SEL1L2: variants seen among roughly 807,000 people sequenced by gnomAD.
SEL1L2 encodes protein sel-1 homolog 2.
SEL1L2 carries 89 observed loss-of-function variants against 98.8 expected under a neutral mutation model. That is an observed-to-expected ratio of 0.90 (90% CI 0.76 to 1.07). The LOEUF (loss-of-function observed/expected upper bound fraction) is 1.07. Among genes scored for constraint, SEL1L2 ranks in the 50% least tolerant of loss-of-function variants. The probability of loss-of-function intolerance (pLI) is 0.00; values close to 1 mark genes in which losing one functional copy is unlikely to be tolerated. For synonymous variants in SEL1L2, 262 were observed against 278.5 expected (o/e 0.94, Z 0.59); for missense variants, 788 against 812.0 (o/e 0.97, Z 0.36).
At chr20:13,953,301 C>T (rs2050360217) in intron 2 of SEL1L2, among the ~76,000 whole-genome samples, 1 of 152,096 alleles carries the variant, frequency 6.6e-6, no homozygotes, top group Non-Finnish European at 1.5e-5. Context: ...TCTCTTCTCA[C>T]CTTCAGGCTA....
At chr20:13,913,548 T>C (rs982462460) in intron 5 of SEL1L2, 2 of 358,952 alleles carry the variant, frequency 5.6e-6, no homozygotes, top group African/African-American at 4.2e-5. Flanking sequence ...TAATAGACAG[T>C]TTCATATTTC....
chr20:13,890,863 T>C (rs1407917510), intron 5 of SEL1L2, among the ~76,000 whole-genome samples: 2 of 152,132 alleles, frequency 1.3e-5, no homozygotes, highest in Non-Finnish European at 2.9e-5. Flanking sequence ...ATACTATATC[T>C]GAATTTTAGA....
At chr20:13,934,460 C>T (rs2049342738) in intron 2 of SEL1L2, among the ~76,000 whole-genome samples, 1 of 21,546 alleles carries the variant, frequency 4.6e-5, no homozygotes, top group African/African-American at 1.6e-4. Flanking sequence ...TATATATATT[C>T]CATATATATA....
chr20:13,904,632 G>T (rs1021977156), intron 5 of SEL1L2, among the ~76,000 whole-genome samples: 1 of 152,040 alleles, frequency 6.6e-6, no homozygotes, highest in Non-Finnish European at 1.5e-5. Context: ...GACCATAAAG[G>T]CTGTTACTGC....
intron 1 of SEL1L2, among the ~76,000 whole-genome samples, chr20:13,981,498 A>T (rs2051830333): frequency 6.6e-6 from 1 of 152,246 alleles, no homozygotes; most frequent in Admixed American, 6.5e-5. Flanking sequence ...GGATATGTTA[A>T]TTAGTCTGAC....
intron 5 of SEL1L2, among the ~76,000 whole-genome samples, chr20:13,900,972 C>A (rs948459902): frequency 3.3e-5 from 5 of 151,916 alleles, no homozygotes; most frequent in African/African-American, 1.2e-4. Context: ...TTCTCGAATT[C>A]ATTATATTGA....
intron 5 of SEL1L2, among the ~76,000 whole-genome samples, chr20:13,902,539 T>C (rs2047728134): frequency 6.6e-6 from 1 of 152,188 alleles, no homozygotes; most frequent in African/African-American, 2.4e-5. Flanking sequence ...ATTCCAGCTT[T>C]AGCCGGTGGG....
chr20:13,953,908 C>T (rs940862195), intron 2 of SEL1L2, among the ~76,000 whole-genome samples: 6 of 152,208 alleles, frequency 3.9e-5, no homozygotes, highest in African/African-American at 1.4e-4. Context: ...GCCTCAGTTA[C>T]TTCCCGATGG....
chr20:13,917,538 T>C (rs941842071), intron 4 of SEL1L2, among the ~76,000 whole-genome samples: 3 of 152,192 alleles, frequency 2.0e-5, no homozygotes, highest in African/African-American at 4.8e-5. Context: ...AAGCAGGTGC[T>C]TAATAAATGA....
chr20:13,879,903 A>G (rs2046616048), intron 10 of SEL1L2, among the ~76,000 whole-genome samples: 1 of 152,200 alleles, frequency 6.6e-6, no homozygotes, highest in Admixed American at 6.5e-5. Context: ...AATTACACAA[A>G]TCACATTATC....
At chr20:13,921,229 G>C (rs908430881) in intron 3 of SEL1L2, among the ~76,000 whole-genome samples, 7 of 152,210 alleles carry the variant, frequency 4.6e-5, no homozygotes, top group African/African-American at 1.7e-4. Context: ...TTGGAGTGCA[G>C]TGGTGCAATC....
At chr20:13,959,814 T>G (rs1173039659) in intron 1 of SEL1L2, among the ~76,000 whole-genome samples, 3 of 152,232 alleles carry the variant, frequency 2.0e-5, no homozygotes, top group African/African-American at 4.8e-5. Flanking sequence ...AACAAAGATG[T>G]GTTTGAGCCT....
intron 1 of SEL1L2, among the ~76,000 whole-genome samples, chr20:13,984,883 G>A (rs1342051373): frequency 6.6e-6 from 1 of 151,992 alleles, no homozygotes; most frequent in East Asian, 1.9e-4. Context: ...TATACAATGT[G>A]TAGTGAACAA....
intron 1 of SEL1L2, among the ~76,000 whole-genome samples, chr20:13,971,593 T>A (rs1366983436): frequency 1.9e-5 from 1 of 52,302 alleles, no homozygotes; most frequent in South Asian, 5.5e-4. Context: ...AGCTAGCTAA[T>A]TTTTTTTTTT....
rs559403871 is a variant in SEL1L2, at chr20:13,940,345, G to A, written c.115-8574C>T. Among the ~76,000 whole-genome samples, 8 of 152,212 alleles carry A rather than the reference G, an allele frequency of 5.3e-5. No individual in the cohort carries two copies. The East Asian group carries it at 5.8e-4, about 11-fold the overall frequency. ...CAAAGTTATGAAGGCAGAGCATTCC[G>A]GGCAGAAAGGACAGTAAGTACGAAT... is the stretch of plus-strand genomic sequence containing the variant. On this transcript the variant is annotated intron_variant, in intron 2 of 19. Coordinates refer to ENST00000284951, the MANE Select transcript of SEL1L2 (RefSeq NM_025229.2).
At chr20:13,882,690 C>A (rs553809194) in intron 10 of SEL1L2, among the ~76,000 whole-genome samples, 35 of 152,072 alleles carry the variant, frequency 2.3e-4, no homozygotes, top group African/African-American at 8.4e-4. Flanking sequence ...CTGAGGCTAA[C>A]CAAAATTGCT....
chr20:13,967,238 A>C (rs1415031696), intron 1 of SEL1L2, among the ~76,000 whole-genome samples: 2 of 152,324 alleles, frequency 1.3e-5, no homozygotes, highest in South Asian at 2.1e-4. Context: ...TACTTCCCTT[A>C]CTGAAATAAA....
intron 6 of SEL1L2, 114 bp downstream of exon 6, chr20:13,888,345 G>A (rs535759000): frequency 2.8e-6 from 2 of 720,048 alleles, no homozygotes; most frequent in South Asian, 3.4e-5. Flanking sequence ...CTATTAAGTT[G>A]GTGTTTTCAA....
chr20:13,862,222 A>C (rs944333850), intron 17 of SEL1L2, among the ~76,000 whole-genome samples: 14 of 152,360 alleles, frequency 9.2e-5, no homozygotes, highest in African/African-American at 3.4e-4. Context: ...ACTGTCCAAC[A>C]AACATGAATA....
Sources: allele counts gnomAD v4.1 joint callset (sites outside exome capture counted in the v4.1 genomes callset), GRCh38; gene constraint gnomAD v4.1.1; transcripts MANE v1.5; gene names NCBI Gene and HGNC (gene_info 2026-07-23, HGNC 2026-07-21).